The following DHRSX variants were observed in gnomAD, a reference collection of about 807,000 sequenced individuals.
DHRSX encodes the protein dehydrogenase/reductase X-linked, also known as polyprenol dehydrogenase.
In DHRSX, 31 loss-of-function variants were observed where a neutral mutation model predicts 34.0. The observed-to-expected ratio is 0.91, with a 90% CI of 0.69 to 1.23. DHRSX has a LOEUF of 1.23. Ranked by LOEUF, DHRSX falls within the 50% of genes most tolerant of loss-of-function variation. The probability of loss-of-function intolerance (pLI) is 0.00; values close to 1 mark genes in which losing one functional copy is unlikely to be tolerated. For missense variants in DHRSX, 414 were observed against 428.1 expected, an observed-to-expected ratio of 0.97 and a Z score of 0.29; for synonymous variants, 201 against 183.8, an observed-to-expected ratio of 1.09 and a Z score of -0.76.
intron 1 of DHRSX, among the ~76,000 whole-genome samples, chrX:2,441,703 T>C (rs1372938854): frequency 6.6e-6 from 1 of 152,140 alleles, no homozygotes; most frequent in Non-Finnish European, 1.5e-5. Context: ...TATGAACAGC[T>C]ATCGGCTTCA....
intron 5 of DHRSX, among the ~76,000 whole-genome samples, chrX:2,265,884 C>T (rs2041455949): frequency 7.1e-6 from 1 of 141,144 alleles, no homozygotes; most frequent in Admixed American, 7.0e-5. Context: ...CAATGCTCGG[C>T]GGACACAGGG....
intron 3 of DHRSX, among the ~76,000 whole-genome samples, chrX:2,298,556 T>A (rs2041963040): frequency 7.3e-6 from 1 of 137,926 alleles, no homozygotes; most frequent in African/African-American, 3.5e-5. Context: ...ACACAGCCCA[T>A]CCTCTCACCT....
chrX:2,342,655 G>A (rs2042655307), intron 3 of DHRSX, among the ~76,000 whole-genome samples: 1 of 152,194 alleles, frequency 6.6e-6, no homozygotes, highest in South Asian at 2.1e-4. Flanking sequence ...GGCCCAAGAT[G>A]CAGCAGTAGG....
chrX:2,385,835 G>A (rs939056862), intron 3 of DHRSX, among the ~76,000 whole-genome samples: 8 of 151,940 alleles, frequency 5.3e-5, no homozygotes, highest in Non-Finnish European at 1.2e-4. Context: ...TGTTCATTTG[G>A]GAGTAAAACG....
intron 3 of DHRSX, among the ~76,000 whole-genome samples, chrX:2,292,802 C>T (rs151296975): frequency 3.3e-5 from 5 of 151,436 alleles, no homozygotes; most frequent in Admixed American, 1.3e-4. Context: ...TTATGGATCC[C>T]TTGCTACAGA....
At chrX:2,375,465 G>A (rs1435920203) in intron 3 of DHRSX, among the ~76,000 whole-genome samples, 2 of 138,030 alleles carry the variant, frequency 1.4e-5, no homozygotes, top group Admixed American at 1.4e-4. Flanking sequence ...ATATTTAGCT[G>A]GGCACACGCC....
At position 2,403,215 on chromosome X, in the gene DHRSX, T is replaced by C. The variant is rs142404582; in HGVS notation, c.286+5530A>G. ...TTATTTTTAAATGGACCATGAAGGA[T>C]TGTTGACTGTAGTCACCCTTTTGTG... is the stretch of plus-strand genomic sequence containing the variant. On this transcript the variant is annotated intron_variant, in intron 3 of 6. Transcript: ENST00000334651. Among the ~76,000 whole-genome samples the C allele has an allele frequency of 2.4e-3, 368 of 152,264 alleles. 4 individuals are homozygous for C. Among genetic ancestry groups the C allele is most frequent in the African/African-American group, 8.4e-3 (348 of 41,566 alleles).
At chrX:2,313,061 G>A (rs1223048197) in intron 3 of DHRSX, among the ~76,000 whole-genome samples, 1 of 151,188 alleles carries the variant, frequency 6.6e-6, no homozygotes. Context: ...GGAGTGCAGT[G>A]GCATGATCTT....
At chrX:2,307,643 T>A (rs1451228333) in intron 3 of DHRSX, among the ~76,000 whole-genome samples, 1 of 151,284 alleles carries the variant, frequency 6.6e-6, no homozygotes, top group East Asian at 1.9e-4. Context: ...CGGGCGCCTG[T>A]AGTCCCAGCT....
intron 1 of DHRSX, among the ~76,000 whole-genome samples, chrX:2,446,233 A>G (rs2044132356): frequency 1.3e-5 from 2 of 151,638 alleles, no homozygotes; most frequent in Non-Finnish European, 2.9e-5. Context: ...GTTCCCTAAG[A>G]ATGTGGCCAA....
intron 4 of DHRSX, among the ~76,000 whole-genome samples, chrX:2,283,046 G>A (rs945293949): frequency 1.3e-5 from 2 of 151,636 alleles, no homozygotes; most frequent in East Asian, 3.9e-4. Flanking sequence ...GGAGGAGAGA[G>A]AGACAGAGAG....
chrX:2,334,114 C>T (rs1176272744), intron 3 of DHRSX, among the ~76,000 whole-genome samples: 3 of 150,304 alleles, frequency 2.0e-5, no homozygotes, highest in Admixed American at 2.0e-4. Flanking sequence ...TAGGTATGTA[C>T]CCAGGAATGG....
intron 1 of DHRSX, among the ~76,000 whole-genome samples, chrX:2,498,771 C>G (rs1005897564): frequency 4.7e-4 from 71 of 152,226 alleles, no homozygotes; most frequent in Non-Finnish European, 9.7e-4. Flanking sequence ...TTTAAGGGGA[C>G]CTTTCTGTAA....
intron 3 of DHRSX, among the ~76,000 whole-genome samples, chrX:2,299,849 T>C (rs1189542359): frequency 4.9e-5 from 4 of 82,428 alleles, no homozygotes; most frequent in African/African-American, 2.3e-4. Flanking sequence ...AGCAAGACTA[T>C]GTCTCAAAAA....
At chrX:2,459,821 C>T (rs2044378055) in intron 1 of DHRSX, among the ~76,000 whole-genome samples, 4 of 151,898 alleles carry the variant, frequency 2.6e-5, no homozygotes, top group Admixed American at 2.0e-4. Context: ...GGTGTATCTA[C>T]ACTGGGCCGG....
chrX:2,276,863 G>A (rs1190640387), intron 4 of DHRSX, among the ~76,000 whole-genome samples: 34 of 48,032 alleles, frequency 7.1e-4, no homozygotes, highest in African/African-American at 9.9e-4. Context: ...CAAACGAGAG[G>A]GAGAGAGAAG....
At chrX:2,297,762 G>GTTTT (rs757257087) in intron 3 of DHRSX, among the ~76,000 whole-genome samples, 22,850 of 144,558 alleles carry the variant, frequency 0.16, 2,455 homozygotes, top group Non-Finnish European at 0.23. Context: ...GTCTTTTTGA[G>GTTTT]TTTTTTTTTT....
At chrX:2,463,343 A>C (rs1319824986) in intron 1 of DHRSX, among the ~76,000 whole-genome samples, 1 of 152,130 alleles carries the variant, frequency 6.6e-6, no homozygotes, top group East Asian at 1.9e-4. Context: ...GGTTGGATCA[A>C]GAATGAAAGG....
intron 3 of DHRSX, among the ~76,000 whole-genome samples, chrX:2,313,805 G>A (rs1189502227): frequency 2.6e-5 from 4 of 152,146 alleles, no homozygotes; most frequent in Non-Finnish European, 4.4e-5. Flanking sequence ...GGTGGTCGGG[G>A]TGCAGCTTGA....
Sources: allele counts gnomAD v4.1 joint callset (sites outside exome capture counted in the v4.1 genomes callset), GRCh38; gene constraint gnomAD v4.1.1; transcripts MANE v1.5; gene names NCBI Gene and HGNC (gene_info 2026-07-23, HGNC 2026-07-21).